Variants in NRG3 observed in about 807,000 individuals in gnomAD.
NRG3 encodes pro-neuregulin-3, membrane-bound isoform.
A neutral mutation model predicts 66.9 loss-of-function variants in NRG3; 31 were observed. That is an observed-to-expected ratio of 0.46 (90% CI 0.35 to 0.63). The LOEUF is 0.63. Among genes scored for constraint, NRG3 ranks in the 20% least tolerant of loss-of-function variants. NRG3 has a pLI of 0.00. For synonymous variants in NRG3, 393 were observed against 359.4 expected (o/e 1.09, Z -1.06); for missense variants, 910 against 878.9 (o/e 1.04, Z -0.45).
At chr10:82,096,276 A>G (rs183799189) in intron 1 of NRG3, among the ~76,000 whole-genome samples, 18 of 152,266 alleles carry the variant, frequency 1.2e-4, no homozygotes, top group African/African-American at 4.1e-4. Flanking sequence ...AGAGATTGAG[A>G]CCATCTGCGC....
chr10:82,656,227 G>A (rs2051842256), intron 2 of NRG3, among the ~76,000 whole-genome samples: 1 of 150,542 alleles, frequency 6.6e-6, no homozygotes, highest in South Asian at 2.1e-4. Context: ...GCAATATATT[G>A]AAAAATCTTT....
At chr10:82,703,605 G>A (rs371910001) in intron 2 of NRG3, among the ~76,000 whole-genome samples, 5 of 152,086 alleles carry the variant, frequency 3.3e-5, no homozygotes, top group East Asian at 1.9e-4. Flanking sequence ...GGTCAGATTC[G>A]TTCCTTTAGT....
intron 3 of NRG3, among the ~76,000 whole-genome samples, chr10:82,845,488 C>T (rs2063266122): frequency 6.6e-6 from 1 of 151,406 alleles, no homozygotes; most frequent in South Asian, 2.1e-4. Context: ...CCAATGTGTG[C>T]TTATACGTGT....
chr10:82,458,240 G>A (rs2091359128), intron 2 of NRG3, among the ~76,000 whole-genome samples: 1 of 152,208 alleles, frequency 6.6e-6, no homozygotes, highest in Non-Finnish European at 1.5e-5. Flanking sequence ...AAAGAAAATG[G>A]GTGAACCAGG....
intron 1 of NRG3, among the ~76,000 whole-genome samples, chr10:82,058,844 A>G (rs7077429): frequency 0.23 from 34,634 of 151,980 alleles, 4,060 homozygotes; most frequent in Middle Eastern, 0.31. Flanking sequence ...ATTCTTTAAT[A>G]GAAGATACTC....
At chr10:82,359,636 C>G (rs915540578) in intron 2 of NRG3, among the ~76,000 whole-genome samples, 2 of 152,144 alleles carry the variant, frequency 1.3e-5, no homozygotes, top group African/African-American at 4.8e-5. Flanking sequence ...TCTTACCAAG[C>G]TTTCATTTCC....
intron 2 of NRG3, among the ~76,000 whole-genome samples, chr10:82,723,957 G>A (rs2057447974): frequency 6.6e-6 from 1 of 151,274 alleles, no homozygotes; most frequent in Non-Finnish European, 1.5e-5. Flanking sequence ...TCCAGCCTGG[G>A]CGACAGAGCG....
At chr10:82,913,086 C>G (rs928791894) in intron 4 of NRG3, among the ~76,000 whole-genome samples, 1 of 152,046 alleles carries the variant, frequency 6.6e-6, no homozygotes, top group East Asian at 1.9e-4. Context: ...ATTAGCCGGG[C>G]GTGGTGCAGG....
intron 4 of NRG3, among the ~76,000 whole-genome samples, chr10:82,885,762 G>A (rs1243352802): frequency 6.6e-6 from 1 of 152,150 alleles, no homozygotes; most frequent in African/African-American, 2.4e-5. Context: ...GGGTTTCACC[G>A]TGTTGCCCAG....
intron 2 of NRG3, among the ~76,000 whole-genome samples, chr10:82,455,019 A>T (rs754591743): frequency 2.6e-5 from 4 of 152,166 alleles, no homozygotes; most frequent in Non-Finnish European, 4.4e-5. Flanking sequence ...GCCCAAGGTC[A>T]TTCAGCTAAT....
intron 2 of NRG3, among the ~76,000 whole-genome samples, chr10:82,373,426 A>G (rs2085016786): frequency 6.6e-6 from 1 of 152,202 alleles, no homozygotes; most frequent in Non-Finnish European, 1.5e-5. Context: ...CCAAGAGGCC[A>G]GTGTGCTTAG....
At chr10:82,377,832 A>G (rs1054834077) in intron 2 of NRG3, among the ~76,000 whole-genome samples, 14 of 152,192 alleles carry the variant, frequency 9.2e-5, no homozygotes, top group Admixed American at 2.6e-4. Context: ...ATTTCTGCAA[A>G]TAACGTTTAC....
intron 4 of NRG3, among the ~76,000 whole-genome samples, chr10:82,930,826 A>G (rs1357719686): frequency 6.6e-6 from 1 of 152,096 alleles, no homozygotes; most frequent in Non-Finnish European, 1.5e-5. Flanking sequence ...AACCCCATCT[A>G]TGGGACTCGT....
At chr10:82,740,063 T>C (rs1317868033) in intron 3 of NRG3, among the ~76,000 whole-genome samples, 1 of 152,040 alleles carries the variant, frequency 6.6e-6, no homozygotes, top group Non-Finnish European at 1.5e-5. Context: ...TTTCTCTCTT[T>C]TTTCTGTTTT....
At chr10:82,040,070 G>T (rs1443418116) in intron 1 of NRG3, among the ~76,000 whole-genome samples, 1 of 152,082 alleles carries the variant, frequency 6.6e-6, no homozygotes, top group Non-Finnish European at 1.5e-5. Flanking sequence ...CAGAACACTT[G>T]TTCTTTACAT....
At chr10:82,936,687 A>G (rs1441324468) in intron 4 of NRG3, among the ~76,000 whole-genome samples, 1 of 152,206 alleles carries the variant, frequency 6.6e-6, no homozygotes, top group African/African-American at 2.4e-5. Context: ...CACAATGTAT[A>G]TATACTTCAA....
intron 1 of NRG3, among the ~76,000 whole-genome samples, chr10:82,080,634 A>G (rs1178146684): frequency 6.6e-6 from 1 of 152,112 alleles, no homozygotes; most frequent in African/African-American, 2.4e-5. Flanking sequence ...AAGCTACCAT[A>G]TTTAATACAG....
intron 1 of NRG3, among the ~76,000 whole-genome samples, chr10:81,998,168 T>A (rs1056248140): frequency 2.0e-5 from 3 of 152,140 alleles, no homozygotes; most frequent in African/African-American, 7.2e-5. Context: ...GTAGTTTCCA[T>A]TGGCTGATTT....
intron 6 of NRG3, among the ~76,000 whole-genome samples, chr10:82,960,878 C>T (rs922979135): frequency 3.3e-5 from 5 of 151,952 alleles, no homozygotes; most frequent in African/African-American, 7.3e-5. Context: ...CTTTATAAAA[C>T]GGCCCCACCC....
Sources: allele counts gnomAD v4.1 joint callset (sites outside exome capture counted in the v4.1 genomes callset), GRCh38; gene constraint gnomAD v4.1.1; transcripts MANE v1.5; gene names NCBI Gene and HGNC (gene_info 2026-07-23, HGNC 2026-07-21).